Variants in CHD9 observed in about 807,000 individuals in gnomAD.
The protein encoded by CHD9 is chromodomain helicase DNA binding protein 9.
In CHD9, 77 loss-of-function variants were observed where a neutral mutation model predicts 316.1. That is an observed-to-expected ratio of 0.24 (90% CI 0.20 to 0.29). The LOEUF (loss-of-function observed/expected upper bound fraction) is 0.29. Ranked by LOEUF, CHD9 falls within the 10% of genes least tolerant of loss-of-function variation. The probability of loss-of-function intolerance (pLI) is 1.00; values close to 1 mark genes in which losing one functional copy is unlikely to be tolerated. For missense variants in CHD9, 2,763 were observed against 3,438.1 expected (o/e 0.80, Z 4.91); for synonymous variants, 1,129 against 1,158.3 (o/e 0.97, Z 0.51).
chr16:53,204,714 C>T (rs112342208), intron 2 of CHD9, among the ~76,000 whole-genome samples: 1,737 of 152,162 alleles, frequency 0.011, 30 homozygotes, highest in African/African-American at 0.04. Context: ...CCATATATTC[C>T]TTCCAGGTGC....
At chr16:53,185,128 G>A (rs1024660822) in intron 2 of CHD9, among the ~76,000 whole-genome samples, 1 of 152,216 alleles carries the variant, frequency 6.6e-6, no homozygotes, top group East Asian at 1.9e-4. Flanking sequence ...CAAAAATATG[G>A]AAGCAGCTTT....
At chr16:53,273,157 TACGTTTTTGTAGTTTTTAAA>T (rs1232703935) in intron 22 of CHD9, among the ~76,000 whole-genome samples, 1 of 152,072 alleles carries the variant, frequency 6.6e-6, no homozygotes, top group Non-Finnish European at 1.5e-5. Context: ...AGAGTGGCAG[TACGTTTTTGTAGTTTTTAAA>T]TATTTCACAA....
At chr16:53,152,875 A>G (rs2152739350) in intron 1 of CHD9, among the ~76,000 whole-genome samples, 1 of 152,328 alleles carries the variant, frequency 6.6e-6, no homozygotes, top group South Asian at 2.1e-4. Flanking sequence ...TTATAGATAG[A>G]AAAGAGAAGA....
intron 17 of CHD9, among the ~76,000 whole-genome samples, chr16:53,250,819 CT>C (rs200356641): frequency 9.3e-4 from 138 of 147,750 alleles, no homozygotes; most frequent in African/African-American, 2.6e-3. Context: ...CATATTAGTA[CT>C]TTTTTTTTTA....
At chr16:53,194,546 C>T (rs2044736351) in intron 2 of CHD9, among the ~76,000 whole-genome samples, 1 of 152,074 alleles carries the variant, frequency 6.6e-6, no homozygotes, top group African/African-American at 2.4e-5. Context: ...TCACTCCAGC[C>T]TGGGTGACAG....
intron 2 of CHD9, among the ~76,000 whole-genome samples, chr16:53,195,807 G>A (rs1244978667): frequency 6.9e-6 from 1 of 144,536 alleles, no homozygotes; most frequent in African/African-American, 2.6e-5. Context: ...CTGTCATCTA[G>A]GCTGGAATAC....
At chr16:53,198,408 CCT>C (rs2045136323) in intron 2 of CHD9, among the ~76,000 whole-genome samples, 1 of 149,378 alleles carries the variant, frequency 6.7e-6, no homozygotes, top group African/African-American at 2.5e-5. Flanking sequence ...CTCACTGCAA[CCT>C]CCGCCTCCCG....
At chr16:53,211,670 G>A (rs1401600463) in intron 3 of CHD9, among the ~76,000 whole-genome samples, 1 of 152,122 alleles carries the variant, frequency 6.6e-6, no homozygotes, top group African/African-American at 2.4e-5. Flanking sequence ...ATAAGTCGCA[G>A]GCAGATAAGT....
At chr16:53,072,315 T>A (rs2034137207) in intron 1 of CHD9, among the ~76,000 whole-genome samples, 1 of 103,506 alleles carries the variant, frequency 9.7e-6, no homozygotes, top group Non-Finnish European at 2.1e-5. Context: ...AGGAAAGCCA[T>A]AAGTCTTTTT....
chr16:53,108,454 A>G (rs2037544609), intron 1 of CHD9, among the ~76,000 whole-genome samples: 1 of 151,726 alleles, frequency 6.6e-6, no homozygotes, highest in Non-Finnish European at 1.5e-5. Flanking sequence ...GCAGTGAGCT[A>G]TGATTGCACC....
intron 36 of CHD9, among the ~76,000 whole-genome samples, chr16:53,317,163 CAA>C (rs537619212): frequency 1.8e-4 from 15 of 81,748 alleles, no homozygotes; most frequent in Admixed American, 3.1e-4. Context: ...AACTCCATCT[CAA>C]AAAAAAAAAA....
chr16:53,240,631 T>A (rs1567541914), intron 12 of CHD9, among the ~76,000 whole-genome samples: 1 of 152,026 alleles, frequency 6.6e-6, no homozygotes, highest in Non-Finnish European at 1.5e-5. Context: ...ATATTTAACT[T>A]CTTTTTTTTT....
At chr16:53,235,415 A>C in intron 11 of CHD9, 109 bp downstream of exon 11, 1 of 782,128 alleles carries the variant, frequency 1.3e-6, no homozygotes, top group Non-Finnish European at 1.9e-6. Context: ...TGAAGTCTTC[A>C]TTATTTAAAG....
chr16:53,108,594 G>A (rs888881459), intron 1 of CHD9, among the ~76,000 whole-genome samples: 16 of 152,034 alleles, frequency 1.1e-4, no homozygotes, highest in African/African-American at 3.1e-4. Flanking sequence ...TCTGTGTGGG[G>A]CCGGGCGCGG....
At chr16:53,248,610 C>T (rs2049877650) in intron 16 of CHD9, among the ~76,000 whole-genome samples, 1 of 145,058 alleles carries the variant, frequency 6.9e-6, no homozygotes, top group South Asian at 2.2e-4. Context: ...ATTGCAACCT[C>T]GAACTCCTGA....
At chr16:53,300,173 G>A (rs570615826) in intron 30 of CHD9, among the ~76,000 whole-genome samples, 15 of 152,152 alleles carry the variant, frequency 9.9e-5, no homozygotes, top group Admixed American at 8.5e-4. Context: ...CCAACGTGGC[G>A]AAACCCCATC....
chr16:53,179,553 A>T (rs1388215616), intron 2 of CHD9, among the ~76,000 whole-genome samples: 1 of 152,170 alleles, frequency 6.6e-6, no homozygotes, highest in Non-Finnish European at 1.5e-5. Context: ...GAAGCCTATT[A>T]TAAATAATGT....
chr16:53,278,249 A>G (rs1025520075), intron 24 of CHD9, among the ~76,000 whole-genome samples: 1 of 152,170 alleles, frequency 6.6e-6, no homozygotes, highest in African/African-American at 2.4e-5. Flanking sequence ...ACAGAACTAG[A>G]GAAAAACAGT....
intron 2 of CHD9, among the ~76,000 whole-genome samples, chr16:53,161,039 T>C (rs1567400738): frequency 6.6e-6 from 1 of 152,172 alleles, no homozygotes; most frequent in Non-Finnish European, 1.5e-5. Context: ...GAGCTGTGAT[T>C]GTGTTGCTCC....
Sources: allele counts gnomAD v4.1 joint callset (sites outside exome capture counted in the v4.1 genomes callset), GRCh38; gene constraint gnomAD v4.1.1; transcripts MANE v1.5; gene names NCBI Gene and HGNC (gene_info 2026-07-23, HGNC 2026-07-21).